The following AADACL4 variants were observed in gnomAD, a reference collection of about 807,000 sequenced individuals.
AADACL4 encodes the protein arylacetamide deacetylase like 4.
Under a neutral mutation model 14.1 loss-of-function variants are expected in AADACL4, and 9 were observed. The ratio of observed to expected loss-of-function variants is 0.64; its 90% CI spans 0.39 to 1.12. The LOEUF (loss-of-function observed/expected upper bound fraction) is 1.12. Among genes scored for constraint, AADACL4 ranks in the 50% most tolerant of loss-of-function variants. AADACL4 has a pLI of 0.01. For synonymous variants in AADACL4, 188 were observed against 201.6 expected (o/e 0.93, Z 0.57); for missense variants, 531 against 516.1 (o/e 1.03, Z -0.28).
chr1:12,652,450 C>G (rs1388468654), intron 2 of AADACL4, among the ~76,000 whole-genome samples: 1 of 152,216 alleles, frequency 6.6e-6, no homozygotes, highest in African/African-American at 2.4e-5. Flanking sequence ...TACCGGTGGG[C>G]TGGGGGATGT....
At chr1:12,648,382 TTC>T (rs1324430575) in intron 1 of AADACL4, among the ~76,000 whole-genome samples, 1 of 150,732 alleles carries the variant, frequency 6.6e-6, no homozygotes, top group Admixed American at 6.6e-5. Context: ...CCTTCCTTCC[TTC>T]CTTCCTTTCT....
intron 3 of AADACL4, among the ~76,000 whole-genome samples, chr1:12,665,389 AT>A (rs1224919722): frequency 1.3e-5 from 2 of 151,974 alleles, no homozygotes; most frequent in African/African-American, 4.8e-5. Flanking sequence ...CGCCTGGCTA[AT>A]TTTTTGTATT....
intron 2 of AADACL4, among the ~76,000 whole-genome samples, chr1:12,658,090 T>TTTCCTTCCTTCCTTCCTTC: frequency 1.5e-5 from 2 of 136,288 alleles, no homozygotes; most frequent in South Asian, 4.9e-4. Flanking sequence ...TCTTTCTTTC[T>TTTCCTTCCTTCCTTCCTTC]CTTTCTTTCT....
Position 12,666,655 on chromosome 1 carries a change from T to C in AADACL4, c.1144T>C (p.Phe382Leu), listed in dbSNP as rs763227819. 2.5e-6 allele frequency: 4 copies of C among 1,613,998 alleles called. No homozygotes were observed. The East Asian group carries it at 8.9e-5, about 36-fold the overall frequency. The change falls in exon 4 of 4, where the codon TTT becomes CTT. Residue 382 changes from phenylalanine to leucine, a missense_variant. Phe to Leu is a conservative substitution (Grantham distance 22). Transcript: ENST00000376221. Reference sequence around the variant, plus strand: ...TGATGGTTTTCACGGATCCATTATCTTTTTTGATAAGAAGGCTCTCTCTTT... The same window carrying C: ...TGATGGTTTTCACGGATCCATTATCCTTTTTGATAAGAAGGCTCTCTCTTT... ...LYDGFHGSII[F>L]FDKKALSFPC... is the part of the protein sequence containing the mutation.
chr1:12,665,379 C>T (rs1306873115), intron 3 of AADACL4, among the ~76,000 whole-genome samples: 1 of 152,136 alleles, frequency 6.6e-6, no homozygotes, highest in Admixed American at 6.5e-5. Context: ...CCCGCCACCA[C>T]GCCTGGCTAA....
In AADACL4 at chr1:12,666,925, C is replaced by T; in HGVS notation, c.*190C>T. 1.8e-6 allele frequency: 1 copy of T among 566,758 alleles called. No individual in the cohort carries two copies. Among genetic ancestry groups the T allele is most frequent in the East Asian group, 2.9e-5 (1 of 34,600 alleles). The allele number at this position is 566,758 out of a possible 1,614,324, so 35.1% of individuals were successfully genotyped here. ...AATCCAAACTGTGTCTGTTTCCTTCCAGCACTAACAATGTCCATTGCTGGA... is the reference window on the plus strand; with the variant it reads ...AATCCAAACTGTGTCTGTTTCCTTCTAGCACTAACAATGTCCATTGCTGGA... On this transcript the variant is annotated 3_prime_UTR_variant, in exon 4 of 4. Transcript: ENST00000376221.
intron 1 of AADACL4, among the ~76,000 whole-genome samples, chr1:12,648,584 G>A (rs1361630047): frequency 7.0e-6 from 1 of 142,580 alleles, no homozygotes; most frequent in African/African-American, 2.6e-5. Flanking sequence ...TGTATGTTTT[G>A]TAGAGATGGG....
In AADACL4 at chr1:12,644,439, CAG is replaced by C. The variant is rs898363817; in HGVS notation, c.-101_-100del. 8.8e-5 allele frequency: 117 copies of C among 1,326,590 alleles called. No individual in the cohort carries two copies. Among genetic ancestry groups the C allele is most frequent in the Non-Finnish European group, 1.2e-4 (111 of 961,730 alleles). 82.2% of individuals were successfully genotyped at this position (1,326,590 alleles called of 1,614,324 possible). ...ACTGTGTCAGGTGTCAGGCTTAGCCCAGAGAGAGTGAGGTGGAGGAGGCGGAG... is the reference window on the plus strand; with the variant it reads ...ACTGTGTCAGGTGTCAGGCTTAGCCCAGAGAGTGAGGTGGAGGAGGCGGAG... On this transcript the variant is annotated 5_prime_UTR_variant, in exon 1 of 4. Transcript: ENST00000376221.
chr1:12,657,578 T>C (rs1249425973), intron 2 of AADACL4, among the ~76,000 whole-genome samples: 1 of 152,048 alleles, frequency 6.6e-6, no homozygotes, highest in African/African-American at 2.4e-5. Flanking sequence ...GAAAAGCACA[T>C]AGTCAAGAAA....
intron 1 of AADACL4, among the ~76,000 whole-genome samples, chr1:12,649,173 G>A (rs1647130015): frequency 6.6e-6 from 1 of 152,216 alleles, no homozygotes; most frequent in South Asian, 2.1e-4. Flanking sequence ...ACAGGGTACT[G>A]AGGGCCTCCA....
chr1:12,658,156 C>CT (rs1185237675), intron 2 of AADACL4, among the ~76,000 whole-genome samples: 1 of 133,132 alleles, frequency 7.5e-6, no homozygotes, highest in Non-Finnish European at 1.5e-5. Context: ...TTCTTTCTTT[C>CT]TTTCTTTCTT....
rs369051578 is a variant in AADACL4 at position 12,666,201 on chromosome 1, G to A, written c.690G>A (p.Leu230=). ...ATCCAGTTGTCCAGGCATTCTGTTT[G>A]CAGTTGCCATCCTTTCAGCAGAACC... ...LIYPVVQAFC[L]QLPSFQQNQN... is the part of the protein sequence containing the mutation. Residue 230 remains leucine (L), a synonymous_variant, in exon 4 of 4, where the codon TTG becomes TTA. Transcript: ENST00000376221. 206 of 1,614,134 alleles carry A rather than the reference G, an allele frequency of 1.3e-4. No homozygotes were observed. The highest frequency in any genetic ancestry group is 1.7e-4 in the Non-Finnish European group (203 of 1,180,054).
At chr1:12,648,131 T>G (rs1416014383) in intron 1 of AADACL4, among the ~76,000 whole-genome samples, 3 of 151,976 alleles carry the variant, frequency 2.0e-5, no homozygotes, top group Non-Finnish European at 4.4e-5. Context: ...CCACCACGCC[T>G]GGCTAATTTT....
intron 1 of AADACL4, among the ~76,000 whole-genome samples, chr1:12,648,215 C>T (rs1647123370): frequency 6.6e-6 from 1 of 152,150 alleles, no homozygotes; most frequent in Admixed American, 6.5e-5. Context: ...TGTGATCCGC[C>T]TGCCTCGGCC....
intron 3 of AADACL4, among the ~76,000 whole-genome samples, chr1:12,664,778 T>C (rs1323271154): frequency 2.6e-5 from 4 of 152,252 alleles, no homozygotes; most frequent in Non-Finnish European, 5.9e-5. Flanking sequence ...AGCCAAACTG[T>C]TTCTATTTTT....
In AADACL4 at chr1:12,651,118, A is replaced by G; in HGVS notation, c.169-5A>G. On this transcript the variant is annotated splice_polypyrimidine_tract_variant and splice_region_variant and intron_variant, in intron 1 of 3. Transcript: ENST00000376221. ...CGTCTGGCTTTCTTTTGTTACCTCC[A>G]ACAGGGGAATATATTTGAGAAGCTG... The G allele has an allele frequency of 6.2e-7, 1 of 1,613,746 alleles. No homozygotes were observed. Among genetic ancestry groups the G allele is most frequent in the Non-Finnish European group, 8.5e-7 (1 of 1,179,658 alleles).
At chr1:12,662,692 C>T (rs1647247159) in intron 3 of AADACL4, among the ~76,000 whole-genome samples, 1 of 152,194 alleles carries the variant, frequency 6.6e-6, no homozygotes, top group South Asian at 2.1e-4. Context: ...GATTCTACCT[C>T]TACAATGGAC....
At position 12,666,461 on chromosome 1, in the gene AADACL4, A is replaced by G. The variant is rs764619906; in HGVS notation, c.950A>G (p.His317Arg). Residue 317 changes from histidine to arginine, a missense_variant, in exon 4 of 4, where the codon CAT becomes CGT. Transcript: ENST00000376221. The part of the protein sequence containing the change: ...FNEAAYLEAK[H>R]MLDVENSPLI... ...GAAGCTGCCTATCTAGAAGCCAAACATATGCTGGATGTAGAAAATTCACCC... is the reference window on the plus strand; with the variant it reads ...GAAGCTGCCTATCTAGAAGCCAAACGTATGCTGGATGTAGAAAATTCACCC... 1 of 1,614,170 alleles carries G rather than the reference A, an allele frequency of 6.2e-7. No homozygotes were observed. Among genetic ancestry groups the G allele is most frequent in the Non-Finnish European group, 8.5e-7 (1 of 1,180,026 alleles).
At chr1:12,663,547 G>A (rs539422059) in intron 3 of AADACL4, among the ~76,000 whole-genome samples, 24 of 152,252 alleles carry the variant, frequency 1.6e-4, no homozygotes, top group South Asian at 1.5e-3. Flanking sequence ...TGCAGTGTAG[G>A]ATTTCAACAT....
Sources: gnomAD v4.1 joint callset for allele counts (sites outside exome capture counted in the v4.1 genomes callset) on GRCh38, gnomAD v4.1.1 for gene constraint, MANE v1.5 for transcripts, NCBI Gene and HGNC (gene_info 2026-07-23, HGNC 2026-07-21) for gene names.